The following KAZN variants were observed in gnomAD, a reference collection of about 807,000 sequenced individuals.
The protein encoded by KAZN is kazrin, periplakin interacting protein, also known as kazrin.
Under a neutral mutation model 87.4 loss-of-function variants are expected in KAZN, and 40 were observed. That is an observed-to-expected ratio of 0.46 (90% CI 0.36 to 0.60). The LOEUF (loss-of-function observed/expected upper bound fraction) is 0.60, where lower values mean the gene tolerates loss of function less well. Ranked by LOEUF, KAZN falls within the 20% of genes least tolerant of loss-of-function variation. The probability of loss-of-function intolerance (pLI) is 0.00; values close to 1 mark genes in which losing one functional copy is unlikely to be tolerated. For missense variants in KAZN, 898 were observed against 1,073.9 expected (o/e 0.84, Z 2.29); for synonymous variants, 466 against 458.3 (o/e 1.02, Z -0.22).
chr1:15,085,803 G>A (rs945840052), intron 8 of KAZN, among the ~76,000 whole-genome samples: 1 of 152,274 alleles, frequency 6.6e-6, no homozygotes, highest in Admixed American at 6.5e-5. Context: ...AATCCCAGAA[G>A]GAGAGAACCG....
chr1:14,742,945 TC>T (rs1385054934), intron 1 of KAZN, among the ~76,000 whole-genome samples: 1 of 148,950 alleles, frequency 6.7e-6, no homozygotes, highest in African/African-American at 2.5e-5. Context: ...TGGTAGTGAG[TC>T]TGGTCAAACA....
Position 14,152,481 on chromosome 1 carries a change from T to G in KAZN, c.92-27954T>G, listed in dbSNP as rs539233526. Among the ~76,000 whole-genome samples, 14 of 152,336 alleles carry G rather than the reference T, an allele frequency of 9.2e-5. 1 individual carries two copies. The highest frequency in any genetic ancestry group is 9.2e-4 in the Admixed American group (14 of 15,292). Reference sequence around the variant, plus strand: ...GCTTACTTTATTTAGCATAATGATTTCCATCCAGTTCCATCCAAGTTCTTG... The same window carrying G: ...GCTTACTTTATTTAGCATAATGATTGCCATCCAGTTCCATCCAAGTTCTTG... On this transcript the variant is annotated intron_variant, in intron 1 of 16. Transcript: ENST00000636203.
chr1:14,314,564 G>T (rs1298037247), intron 2 of KAZN, among the ~76,000 whole-genome samples: 1 of 152,102 alleles, frequency 6.6e-6, no homozygotes, highest in Non-Finnish European at 1.5e-5. Flanking sequence ...CATTCGTGAG[G>T]CTTCTTTCCA....
At chr1:14,032,477 T>G (rs1641370105) in intron 1 of KAZN, among the ~76,000 whole-genome samples, 1 of 152,146 alleles carries the variant, frequency 6.6e-6, no homozygotes, top group South Asian at 2.1e-4. Context: ...CAGAGCCTTC[T>G]CCTTACCTGT....
chr1:14,682,710 G>T (rs936408250), intron 1 of KAZN, among the ~76,000 whole-genome samples: 1 of 152,154 alleles, frequency 6.6e-6, no homozygotes, highest in Non-Finnish European at 1.5e-5. Flanking sequence ...TTAAAGGAAC[G>T]TGGAATTACC....
Position 14,079,360 on chromosome 1 carries a change from T to G in KAZN, c.92-101075T>G, listed in dbSNP as rs148942088. Among the ~76,000 whole-genome samples the G allele has an allele frequency of 3.8e-3, 576 of 152,302 alleles. 2 individuals carry two copies. Among genetic ancestry groups the G allele is most frequent in the Middle Eastern group, 6.8e-3 (2 of 294 alleles). On this transcript the variant is annotated intron_variant, in intron 1 of 16. Coordinates refer to the KAZN transcript ENST00000636203. ...ATCTGACTGATATTCAATGTGAAAA[T>G]AAAACATAAAAACTGTTCTTGGAGT...
Position 15,056,283 on chromosome 1 carries a change from G to A in KAZN, c.916+3G>A. The A allele has an allele frequency of 6.2e-7, 1 of 1,601,204 alleles. No homozygotes were observed. The highest frequency in any genetic ancestry group is 8.5e-7 in the Non-Finnish European group (1 of 1,170,194). On this transcript the variant is annotated splice_donor_region_variant and intron_variant, in intron 5 of 14. Coordinates refer to ENST00000376030, the MANE Select transcript of KAZN (RefSeq NM_201628.3). The surrounding 1 kb of genome is among the most constrained non-coding windows in gnomAD (Gnocchi z 5.4). Reference sequence around the variant, plus strand: ...CCCTCACCCTGCGGACCGGCAAGGTGAGTCCTGCCCTGGCCTGGCTCCACC... The same window carrying A: ...CCCTCACCCTGCGGACCGGCAAGGTAAGTCCTGCCCTGGCCTGGCTCCACC...
intron 1 of KAZN, among the ~76,000 whole-genome samples, chr1:14,688,082 T>C (rs1179509672): frequency 6.6e-6 from 1 of 152,196 alleles, no homozygotes; most frequent in Non-Finnish European, 1.5e-5. Context: ...ACCCGTGCCC[T>C]AGACGTCTCT....
intron 2 of KAZN, among the ~76,000 whole-genome samples, chr1:14,540,869 C>T (rs564219102): frequency 6.6e-6 from 1 of 152,292 alleles, no homozygotes; most frequent in Admixed American, 6.5e-5. Context: ...TCCATAAATG[C>T]ATGCATATCT....
chr1:14,354,257 A>G (rs1225601417), intron 2 of KAZN, among the ~76,000 whole-genome samples: 1 of 152,194 alleles, frequency 6.6e-6, no homozygotes, highest in Admixed American at 6.5e-5. Context: ...TATATTCACA[A>G]TCTAAGGTTA....
intron 1 of KAZN, among the ~76,000 whole-genome samples, chr1:14,696,457 G>C (rs948404133): frequency 6.6e-6 from 1 of 152,228 alleles, no homozygotes; most frequent in Admixed American, 6.5e-5. Context: ...TAAACAGGGA[G>C]TGGGCTGGTG....
At chr1:14,350,151 A>AC (rs1658429289) in intron 2 of KAZN, among the ~76,000 whole-genome samples, 1 of 150,502 alleles carries the variant, frequency 6.6e-6, no homozygotes, top group Non-Finnish European at 1.5e-5. Flanking sequence ...AAAAAAAAAA[A>AC]AGTGACAAGA....
intron 1 of KAZN, among the ~76,000 whole-genome samples, chr1:14,110,590 T>A (rs1223156344): frequency 2.6e-5 from 2 of 77,822 alleles, no homozygotes; most frequent in Non-Finnish European, 2.6e-5. Context: ...TTTATTTGCA[T>A]GACTTGGAAT....
intron 2 of KAZN, among the ~76,000 whole-genome samples, chr1:14,436,229 C>CA (rs1292822674): frequency 2.0e-5 from 3 of 150,748 alleles, no homozygotes; most frequent in African/African-American, 4.9e-5. Context: ...AACTCCAACT[C>CA]AAAAAAAAGA....
At chr1:14,106,981 T>TCTCCCTCC (rs1157966988) in intron 1 of KAZN, among the ~76,000 whole-genome samples, 6 of 66,636 alleles carry the variant, frequency 9.0e-5, no homozygotes, top group African/African-American at 6.2e-5. Context: ...TCCCTCCTTC[T>TCTCCCTCC]CTCCCTCCCT....
intron 8 of KAZN, chr1:15,067,548 A>G: frequency 2.0e-6 from 2 of 985,500 alleles, no homozygotes; most frequent in Non-Finnish European, 1.2e-6. Flanking sequence ...ACCTCTAGAC[A>G]ACAGTAGTCG....
At chr1:13,970,137 C>A (rs1443383015) in intron 1 of KAZN, among the ~76,000 whole-genome samples, 1 of 152,158 alleles carries the variant, frequency 6.6e-6, no homozygotes, top group South Asian at 2.1e-4. Context: ...AAAAAAGAGG[C>A]TGAAAGGTCA....
chr1:14,070,635 A>G (rs781752358), intron 1 of KAZN, among the ~76,000 whole-genome samples: 1 of 152,246 alleles, frequency 6.6e-6, no homozygotes, highest in Non-Finnish European at 1.5e-5. Context: ...ATCTTAAAGA[A>G]TTGGGAACTT....
In KAZN at chr1:14,050,049, G is replaced by A. The variant is rs113711032; in HGVS notation, c.92-130386G>A. Among the ~76,000 whole-genome samples the A allele has an allele frequency of 6.8e-3, 967 of 142,492 alleles. 4 individuals are homozygous for A. Among genetic ancestry groups the A allele is most frequent in the African/African-American group, 0.023 (925 of 40,916 alleles). The allele number at this position is 142,492 out of a possible 152,430, so 93.5% of individuals were successfully genotyped here. A position where few individuals can be genotyped will look rare whatever the true frequency, so the allele number is the denominator to read the frequency against. ...TGGGCATGCATGTGCACGTGTGTCT[G>A]TGTGGGTGTGTGGGGGCATGCATTG... On this transcript the variant is annotated intron_variant, in intron 1 of 16. Coordinates refer to the KAZN transcript ENST00000636203.
Sources: allele counts gnomAD v4.1 joint callset (sites outside exome capture counted in the v4.1 genomes callset), GRCh38; gene constraint gnomAD v4.1.1; non-coding constraint Gnocchi (gnomAD v3.1); transcripts MANE v1.5; gene names NCBI Gene and HGNC (gene_info 2026-07-23, HGNC 2026-07-21).